The following ANO2 variants were observed in gnomAD, a reference collection of about 807,000 sequenced individuals.
The protein encoded by ANO2 is anoctamin 2, also known as anoctamin-2.
A neutral mutation model predicts 124.2 loss-of-function variants in ANO2; 101 were observed. The observed-to-expected ratio is 0.81, with a 90% confidence interval of 0.69 to 0.96. The LOEUF is 0.96. Ranked by LOEUF, ANO2 falls within the 40% of genes least tolerant of loss-of-function variation. ANO2 has a pLI of 0.00. For synonymous variants in ANO2, 486 were observed against 482.5 expected (o/e 1.01, Z -0.09); for missense variants, 1,293 against 1,274.5 (o/e 1.01, Z -0.22).
chr12:5,750,787 A>G (rs1951409826), intron 11 of ANO2, 49 bp downstream of exon 11: 1 of 1,583,782 alleles, frequency 6.3e-7, no homozygotes, highest in Non-Finnish European at 8.6e-7. Flanking sequence ...ATGAAACTCC[A>G]AATTATTAAC....
chr12:5,853,165 G>GCTT (rs1954969948), intron 4 of ANO2, among the ~76,000 whole-genome samples: 1 of 29,026 alleles, frequency 3.4e-5, no homozygotes, highest in Admixed American at 6.8e-4. Context: ...TCCCTGGGTA[G>GCTT]ATTTTTTTTT....
At chr12:5,945,096 TC>T in intron 1 of ANO2, 99 bp downstream of exon 1, 1 of 1,141,626 alleles carries the variant, frequency 8.8e-7, no homozygotes, top group Non-Finnish European at 1.1e-6. Context: ...CCCTTGGGGG[TC>T]CCCAATCCCG....
intron 11 of ANO2, among the ~76,000 whole-genome samples, chr12:5,749,021 C>A (rs1951359978): frequency 6.6e-6 from 1 of 152,010 alleles, no homozygotes; most frequent in African/African-American, 2.4e-5. Flanking sequence ...ATTTGCAAAC[C>A]ATTTGCATAG....
At chr12:5,840,931 C>T (rs769100366) in intron 4 of ANO2, among the ~76,000 whole-genome samples, 3 of 152,144 alleles carry the variant, frequency 2.0e-5, no homozygotes, top group Admixed American at 6.5e-5. Flanking sequence ...TTTCTACTCA[C>T]CCTAAAGGCT....
intron 14 of ANO2, among the ~76,000 whole-genome samples, chr12:5,725,103 A>T (rs889827395): frequency 2.3e-4 from 33 of 143,346 alleles, no homozygotes; most frequent in Non-Finnish European, 4.1e-4. Context: ...CCTCTCACAC[A>T]CACACACACA....
chr12:5,788,611 T>C (rs1022092588), intron 10 of ANO2, among the ~76,000 whole-genome samples: 3 of 152,354 alleles, frequency 2.0e-5, no homozygotes, highest in African/African-American at 7.2e-5. Flanking sequence ...CAGGCTGGAG[T>C]GCAGTGGTGC....
rs1565731006 is a variant in ANO2, at chr12:5,862,001, CTG to C, written c.535-7862_535-7861del. On this transcript the variant is annotated intron_variant, in intron 3 of 24. Coordinates refer to ENST00000682330, the MANE Select transcript of ANO2 (RefSeq NM_001364791.2). This position sits in a 1 kb window ranked among gnomAD's most constrained non-coding sequence, Gnocchi z 4.0. Reference sequence around the variant, plus strand: ...CCATTTGAGGAACACCATAGTCTACCTGTGTCATCGTGAAGATCAAAGCCTTA... The same window carrying C: ...CCATTTGAGGAACACCATAGTCTACCTGTCATCGTGAAGATCAAAGCCTTA... Among the ~76,000 whole-genome samples, 3 of 152,198 alleles carry C rather than the reference CTG, an allele frequency of 2.0e-5. No individual in the cohort carries two copies.
chr12:5,834,413 T>C (rs980393077), intron 4 of ANO2, among the ~76,000 whole-genome samples: 55 of 152,092 alleles, frequency 3.6e-4, no homozygotes, highest in African/African-American at 1.3e-3. Flanking sequence ...TAAGATAGGA[T>C]GAGAAAATGC....
At chr12:5,624,382 C>T (rs1447074906) in intron 16 of ANO2, among the ~76,000 whole-genome samples, 1 of 152,132 alleles carries the variant, frequency 6.6e-6, no homozygotes, top group Non-Finnish European at 1.5e-5. Flanking sequence ...AAGCACTTGA[C>T]AACTTCCCTA....
intron 16 of ANO2, among the ~76,000 whole-genome samples, chr12:5,621,620 T>C (rs1210807022): frequency 6.6e-6 from 1 of 152,096 alleles, no homozygotes; most frequent in African/African-American, 2.4e-5. Context: ...AGGTTTGCAG[T>C]GTGACCTCTT....
chr12:5,893,489 C>CTT (rs1175378261), intron 3 of ANO2, among the ~76,000 whole-genome samples: 1 of 137,772 alleles, frequency 7.3e-6, no homozygotes, highest in Non-Finnish European at 1.6e-5. Flanking sequence ...CCCTTTTTTT[C>CTT]TTTTTTTTTT....
chr12:5,920,080 G>GATGGATGC (rs1555183829), intron 3 of ANO2, among the ~76,000 whole-genome samples: 45 of 91,210 alleles, frequency 4.9e-4, no homozygotes, highest in African/African-American at 1.5e-3. Flanking sequence ...TGGATGGATG[G>GATGGATGC]ATGCATGCAT....
intron 20 of ANO2, chr12:5,584,118 T>C: frequency 5.1e-6 from 1 of 197,306 alleles, no homozygotes; most frequent in South Asian, 8.7e-5. Flanking sequence ...TGTCATTCCT[T>C]AATTTAATGA....
chr12:5,631,588 G>A (rs984226928), intron 16 of ANO2, among the ~76,000 whole-genome samples: 1 of 152,218 alleles, frequency 6.6e-6, no homozygotes, highest in African/African-American at 2.4e-5. Context: ...GCTGATGGAT[G>A]AACCCAGAAA....
intron 14 of ANO2, among the ~76,000 whole-genome samples, chr12:5,701,973 T>C (rs545179554): frequency 5.9e-5 from 9 of 152,332 alleles, no homozygotes; most frequent in African/African-American, 1.9e-4. Context: ...TTTCAAAGCA[T>C]TGTTTGTTTT....
intron 14 of ANO2, among the ~76,000 whole-genome samples, chr12:5,691,351 G>A (rs868382127): frequency 0.11 from 13,632 of 125,342 alleles, 977 homozygotes; most frequent in Non-Finnish European, 0.14. Context: ...AAAAAAAGAA[G>A]AAGAAGAAGA....
chr12:5,945,274 C>A (rs1943059082), upstream of ANO2: 1 of 1,256,222 alleles, frequency 8.0e-7, no homozygotes, highest in Admixed American at 2.5e-5. Context: ...AGGCTTATGC[C>A]GCCGCGGGGC....
chr12:5,725,278 G>A (rs962003614), intron 14 of ANO2, among the ~76,000 whole-genome samples: 4 of 152,130 alleles, frequency 2.6e-5, no homozygotes, highest in Admixed American at 2.6e-4. Flanking sequence ...GACCATTGGT[G>A]TATTTATTCA....
At chr12:5,922,589 T>TCCCCC (rs113271594) in intron 2 of ANO2, 31 bp downstream of exon 2, 4 of 1,449,942 alleles carry the variant, frequency 2.8e-6, no homozygotes, top group African/African-American at 1.5e-5. Context: ...GGCTGGCCTA[T>TCCCCC]CCCCCCACCC....
Sources: allele counts gnomAD v4.1 joint callset (sites outside exome capture counted in the v4.1 genomes callset), GRCh38; gene constraint gnomAD v4.1.1; non-coding constraint Gnocchi (gnomAD v3.1); transcripts MANE v1.5; gene names NCBI Gene and HGNC (gene_info 2026-07-23, HGNC 2026-07-21).